Variants in SCGB2A2 observed in about 807,000 individuals in gnomAD.
SCGB2A2 encodes the protein mammaglobin-A.
A neutral mutation model predicts 8.8 loss-of-function variants in SCGB2A2; 11 were observed. That is an observed-to-expected ratio of 1.25 (90% CI 0.79 to 2.07). The LOEUF (loss-of-function observed/expected upper bound fraction) is 2.07. SCGB2A2 is among the 30% of genes most tolerant of loss of function. The pLI is 0.00. For synonymous variants in SCGB2A2, 42 were observed against 40.9 expected (o/e 1.03, Z -0.10); for missense variants, 113 against 109.9 (o/e 1.03, Z -0.13).
chr11:62,270,165 C>G lies in SCGB2A2; in HGVS notation c.-52C>G. The G allele has an allele frequency of 1.3e-6, 2 of 1,585,524 alleles. No individual in the cohort carries two copies. The highest frequency in any genetic ancestry group is 1.7e-6 in the Non-Finnish European group (2 of 1,154,420). On this transcript the variant is annotated 5_prime_UTR_variant, in exon 1 of 3. Coordinates refer to ENST00000227918, the MANE Select transcript of SCGB2A2 (RefSeq NM_002411.4). Reference sequence around the variant, plus strand: ...GGCTGGGTGCTCACCTCCACAGCGGCTTCCTTGATCCTTGCCACCCGCGAC... The same window carrying G: ...GGCTGGGTGCTCACCTCCACAGCGGGTTCCTTGATCCTTGCCACCCGCGAC...
chr11:62,271,641 T>G, intron 2 of SCGB2A2: 1 of 997,892 alleles, frequency 1.0e-6, no homozygotes, highest in Non-Finnish European at 1.2e-6. Flanking sequence ...ATATGTTCAC[T>G]CTCTACAGAA....
chr11:62,270,489 GC>G (rs759760875), intron 1 of SCGB2A2, among the ~76,000 whole-genome samples: 11 of 152,186 alleles, frequency 7.2e-5, no homozygotes, highest in Non-Finnish European at 1.6e-4. Flanking sequence ...ATAGGTGTGA[GC>G]CACCACACTT....
chr11:62,270,225 G>T lies in SCGB2A2; in HGVS notation c.9G>T (p.Leu3Phe). Residue 3 changes from leucine (L) to phenylalanine (F), a missense_variant, in exon 1 of 3, where the codon TTG becomes TTT. By Grantham distance (22) the Leu-to-Phe change is conservative. Coordinates refer to ENST00000227918, the MANE Select transcript of SCGB2A2 (RefSeq NM_002411.4). ...ACAGCAGCAGCCTCACCATGAAGTT[G>T]CTGATGGTCCTCATGCTGGCGGCCC... is the stretch of plus-strand genomic sequence containing the variant. MKLLMVLMLAALS... is the reference protein window; with the variant it reads MKFLMVLMLAALS... The T allele has an allele frequency of 6.2e-7, 1 of 1,613,994 alleles. No individual in the cohort carries two copies. The highest frequency in any genetic ancestry group is 8.5e-7 in the Non-Finnish European group (1 of 1,179,970).
chr11:62,271,279 A>C (rs1323781624), intron 2 of SCGB2A2: 1 of 1,459,068 alleles, frequency 6.9e-7, no homozygotes, highest in Non-Finnish European at 9.0e-7. Flanking sequence ...TCCTCAGTGG[A>C]TGATAAATGA....
chr11:62,272,698 G>A (rs1270249563), intron 2 of SCGB2A2, among the ~76,000 whole-genome samples: 4 of 116,636 alleles, frequency 3.4e-5, no homozygotes, highest in Admixed American at 1.2e-4. Context: ...TAACAATCCT[G>A]TGAAAATAGG....
chr11:62,272,789 G>C (rs147193040), intron 2 of SCGB2A2, among the ~76,000 whole-genome samples, 168 bp from the exon 3 acceptor site: 2 of 151,814 alleles, frequency 1.3e-5, no homozygotes, highest in East Asian at 3.9e-4. Context: ...AGTCCATGGT[G>C]GGGGAAATGA....
rs1264604478 is a variant in SCGB2A2 at position 62,270,403 on chromosome 11, C to T, written c.55+132C>T. The T allele has an allele frequency of 4.9e-6, 4 of 815,044 alleles. No individual in the cohort carries two copies. In the African/African-American group the frequency reaches 5.1e-5, roughly 10 times the overall value. 50.5% of individuals were successfully genotyped at this position (815,044 alleles called of 1,614,324 possible). A position where few individuals can be genotyped will look rare whatever the true frequency, so the allele number is the denominator to read the frequency against. On this transcript the variant is annotated intron_variant, in intron 1 of 2. Coordinates refer to ENST00000227918, the MANE Select transcript of SCGB2A2 (RefSeq NM_002411.4). Reference sequence around the variant, plus strand: ...AAGGCTGTAGGTATAACAGATCTCACCATGTTGCCCAGGCTGGTCTTGAAC... The same window carrying T: ...AAGGCTGTAGGTATAACAGATCTCATCATGTTGCCCAGGCTGGTCTTGAAC...
chr11:62,270,761 G>C (rs925002744), intron 1 of SCGB2A2, 120 bp from the exon 2 acceptor site: 4 of 738,390 alleles, frequency 5.4e-6, no homozygotes, highest in African/African-American at 3.6e-5. Context: ...TCTAGATTCT[G>C]CATCATTATC....
At chr11:62,271,184 G>C (rs748746430) in intron 2 of SCGB2A2, 116 bp downstream of exon 2, 1 of 1,589,214 alleles carries the variant, frequency 6.3e-7, no homozygotes, top group Non-Finnish European at 8.5e-7. Flanking sequence ...TCTTACATTG[G>C]TTAATTTAGT....
Position 62,273,025 on chromosome 11 carries a change from T to C in SCGB2A2, c.*30T>C, listed in dbSNP as rs758897220. On this transcript the variant is annotated 3_prime_UTR_variant, in exon 3 of 3. Coordinates refer to ENST00000227918, the MANE Select transcript of SCGB2A2 (RefSeq NM_002411.4). ...CTGCAAGACCTTTGGCTCACAGAAC[T>C]GCAGGGTATGGTGAGAAACCAACTA... The C allele has an allele frequency of 7.6e-6, 12 of 1,579,880 alleles. No individual in the cohort carries two copies. The highest frequency in any genetic ancestry group is 2.3e-5 in the South Asian group (2 of 86,536).
rs1945266229 is a variant in SCGB2A2 at position 62,270,248 on chromosome 11, C to T, written c.32C>T (p.Ala11Val). 1 of 1,613,968 alleles carries T rather than the reference C, an allele frequency of 6.2e-7. No homozygotes were observed. The highest frequency in any genetic ancestry group is 1.3e-5 in the African/African-American group (1 of 75,058). MKLLMVLMLA[A>V]LSQHCYAGSG... ...TTGCTGATGGTCCTCATGCTGGCGG[C>T]CCTCTCCCAGCACTGCTACGCAGGT... The change falls in exon 1 of 3, where the codon GCC (alanine) becomes GTC (valine). Residue 11 changes from alanine to valine, a missense_variant. By Grantham distance (64) the Ala-to-Val change is moderately conservative. Transcript: ENST00000227918.
intron 2 of SCGB2A2, chr11:62,271,649 G>T (rs1945280047): frequency 3.0e-6 from 3 of 994,258 alleles, no homozygotes; most frequent in Non-Finnish European, 3.6e-6. Context: ...ACTCTCTACA[G>T]AAAAAACAAT....
chr11:62,271,084 T>C lies in SCGB2A2; in HGVS notation c.243+16T>C. 3 of 1,614,100 alleles carry C rather than the reference T, an allele frequency of 1.9e-6. No individual in the cohort carries two copies. In the Admixed American group the frequency reaches 5.0e-5, roughly 27 times the overall value. ...GGTGTTTATGGTAATTTCATTTTCT[T>C]CCTATAAGCTTTTTAAATCCCCTGA... is the stretch of plus-strand genomic sequence containing the variant. On this transcript the variant is annotated intron_variant, in intron 2 of 2. Transcript: ENST00000227918.
Position 62,270,861 on chromosome 11 carries a change from T to G in SCGB2A2, c.56-20T>G, listed in dbSNP as rs778052515. ...TCATGCCTTCTGTACCAAGCTTGTTTCCTTGTGCATCCTTCCCAGGCTCTG... is the reference window on the plus strand; with the variant it reads ...TCATGCCTTCTGTACCAAGCTTGTTGCCTTGTGCATCCTTCCCAGGCTCTG... On this transcript the variant is annotated intron_variant, in intron 1 of 2. Transcript: ENST00000227918. 6.2e-7 allele frequency: 1 copy of G among 1,609,192 alleles called. No homozygotes were observed. The highest frequency in any genetic ancestry group is 1.1e-5 in the South Asian group (1 of 90,866).
Position 62,273,120 on chromosome 11 carries a change from A to G in SCGB2A2, c.*125A>G. The G allele has an allele frequency of 1.6e-6, 1 of 613,116 alleles. No individual in the cohort carries two copies. Among genetic ancestry groups the G allele is most frequent in the Non-Finnish European group, 2.8e-6 (1 of 356,760 alleles). The allele number at this position is 613,116 out of a possible 1,614,324, so 38.0% of individuals were successfully genotyped here. ...TACAAACTACAAGACAATTGTTGAA[A>G]CCTGCTATACATGTTTATTTTAATA... On this transcript the variant is annotated 3_prime_UTR_variant, in exon 3 of 3. Transcript: ENST00000227918.
At chr11:62,272,786 G>C (rs1489251745) in intron 2 of SCGB2A2, among the ~76,000 whole-genome samples, 171 bp from the exon 3 acceptor site, 1 of 151,294 alleles carries the variant, frequency 6.6e-6, no homozygotes, top group Non-Finnish European at 1.5e-5. Flanking sequence ...AAAAGTCCAT[G>C]GTGGGGGAAA....
In SCGB2A2 at chr11:62,272,968, T is replaced by C. The variant is rs773231231; in HGVS notation, c.255T>C (p.Tyr85=). 2 of 1,608,516 alleles carry C rather than the reference T, an allele frequency of 1.2e-6. No individual in the cohort carries two copies. The highest frequency in any genetic ancestry group is 4.5e-5 in the East Asian group (2 of 44,736). ...TTTTTGCTTTCTAGCAATTAATATA[T>C]GACAGCAGTCTTTGTGATTTATTTT... ...SNVEVFMQLI[Y]DSSLCDLF Residue 85 remains tyrosine, a synonymous_variant, in exon 3 of 3, where the codon TAT becomes TAC. Transcript: ENST00000227918.
intron 1 of SCGB2A2, 117 bp downstream of exon 1, chr11:62,270,388 G>T: frequency 1.1e-6 from 1 of 945,916 alleles, no homozygotes; most frequent in Non-Finnish European, 1.7e-6. Context: ...AAGGCTGTAG[G>T]TATAACAGAT....
At chr11:62,270,301 G>C in intron 1 of SCGB2A2, 30 bp downstream of exon 1, 2 of 1,607,892 alleles carry the variant, frequency 1.2e-6, no homozygotes, top group Non-Finnish European at 1.7e-6. Flanking sequence ...GGCTGCCTCG[G>C]GGTTAGGGGT....
Sources: allele counts gnomAD v4.1 joint callset (sites outside exome capture counted in the v4.1 genomes callset), GRCh38; gene constraint gnomAD v4.1.1; transcripts MANE v1.5; gene names NCBI Gene and HGNC (gene_info 2026-07-23, HGNC 2026-07-21).